Variants in TEX9 observed in about 807,000 individuals in gnomAD.
TEX9 encodes testis-expressed protein 9.
TEX9 carries 74 observed loss-of-function variants against 59.6 expected under a neutral mutation model. That is an observed-to-expected ratio of 1.24 (90% CI 1.03 to 1.51). TEX9 has a LOEUF of 1.51. TEX9 is among the 40% of genes most tolerant of loss of function. The probability of loss-of-function intolerance (pLI) is 0.00; values close to 1 mark genes in which losing one functional copy is unlikely to be tolerated. For missense variants in TEX9, 522 were observed against 447.8 expected, an observed-to-expected ratio of 1.17 and a Z score of -1.49; for synonymous variants, 186 against 152.2, an observed-to-expected ratio of 1.22 and a Z score of -1.64.
chr15:56,277,745 AAGG>A (rs1228478510), intron 1 of TEX9, among the ~76,000 whole-genome samples: 2 of 152,234 alleles, frequency 1.3e-5, no homozygotes, highest in Non-Finnish European at 2.9e-5. Context: ...TTACATGGCC[AAGG>A]CCAAAAAATT....
At chr15:56,440,582 C>A (rs1284657105) in intron 12 of TEX9, among the ~76,000 whole-genome samples, 4 of 151,900 alleles carry the variant, frequency 2.6e-5, no homozygotes, top group Non-Finnish European at 5.9e-5. Flanking sequence ...CTTTAATGGG[C>A]AAATGGTCAA....
intron 12 of TEX9, among the ~76,000 whole-genome samples, chr15:56,435,283 A>G (rs1257932932): frequency 1.3e-5 from 2 of 151,998 alleles, no homozygotes; most frequent in Admixed American, 6.6e-5. Flanking sequence ...AGAACTGTAA[A>G]GTAAACCCAA....
At chr15:56,423,468 T>C (rs2050084145) in intron 10 of TEX9, among the ~76,000 whole-genome samples, 1 of 152,240 alleles carries the variant, frequency 6.6e-6, no homozygotes. Context: ...ATGTGGGGAA[T>C]GTTCCATGTG....
At chr15:56,312,689 T>G (rs1406513824) in intron 1 of TEX9, among the ~76,000 whole-genome samples, 1 of 118,778 alleles carries the variant, frequency 8.4e-6, no homozygotes, top group African/African-American at 3.3e-5. Flanking sequence ...AAGAAAGTCA[T>G]TGGTAGCTTG....
chr15:56,267,765 G>T (rs775698128), intron 1 of TEX9, among the ~76,000 whole-genome samples: 2 of 152,152 alleles, frequency 1.3e-5, no homozygotes, highest in African/African-American at 2.4e-5. Flanking sequence ...GTAGCGTGAT[G>T]CCTCCAGCTT....
chr15:56,274,392 A>G (rs1382896259), intron 1 of TEX9: 2 of 152,150 alleles, frequency 1.3e-5, no homozygotes, highest in Admixed American at 6.6e-5. Flanking sequence ...CACTAGAACC[A>G]TATTAATTGT....
chr15:56,406,742 C>G (rs1388048036), intron 9 of TEX9, among the ~76,000 whole-genome samples: 1 of 152,040 alleles, frequency 6.6e-6, no homozygotes. Context: ...GTTCATATAT[C>G]TTCTTTTGCG....
intron 12 of TEX9, among the ~76,000 whole-genome samples, chr15:56,437,391 A>G (rs1192177972): frequency 1.3e-5 from 2 of 152,198 alleles, no homozygotes; most frequent in African/African-American, 4.8e-5. Context: ...TAGATGCAAA[A>G]AAGGCCCTTG....
chr15:56,386,937 G>C (rs1330617026), intron 4 of TEX9, among the ~76,000 whole-genome samples: 1 of 151,822 alleles, frequency 6.6e-6, no homozygotes, highest in Non-Finnish European at 1.5e-5. Flanking sequence ...TTTCAGGTTG[G>C]AACAATGATA....
chr15:56,365,978 G>A (rs1420678397), intron 2 of TEX9: 2 of 952,540 alleles, frequency 2.1e-6, no homozygotes, highest in Admixed American at 9.0e-5. Context: ...GAATTGCCAC[G>A]AATAGTTAGT....
chr15:56,417,220 T>G (rs1160405953), intron 10 of TEX9, among the ~76,000 whole-genome samples: 1 of 151,922 alleles, frequency 6.6e-6, no homozygotes, highest in African/African-American at 2.4e-5. Flanking sequence ...TGATTTTTGT[T>G]ATTTCTCATC....
intron 1 of TEX9, among the ~76,000 whole-genome samples, chr15:56,272,653 G>A (rs2044564310): frequency 6.6e-6 from 1 of 152,088 alleles, no homozygotes; most frequent in Admixed American, 6.6e-5. Context: ...GAGTCATGTG[G>A]TAACTCTATT....
chr15:56,339,199 A>G (rs1481335356), intron 1 of TEX9, among the ~76,000 whole-genome samples: 1 of 151,594 alleles, frequency 6.6e-6, no homozygotes, highest in Non-Finnish European at 1.5e-5. Context: ...CCTGGCCAAC[A>G]TGGTGAAACC....
At chr15:56,458,670 C>A in the TEX9 span, among the ~76,000 whole-genome samples, 1 of 152,148 alleles carries the variant, frequency 6.6e-6, no homozygotes, top group Non-Finnish European at 1.5e-5. Flanking sequence ...ATAGTTTTGC[C>A]TTTCCCAGAA....
intron 4 of TEX9, among the ~76,000 whole-genome samples, chr15:56,384,700 A>G (rs2047885074): frequency 6.6e-6 from 1 of 152,178 alleles, no homozygotes; most frequent in African/African-American, 2.4e-5. Flanking sequence ...CCAGCAAGGA[A>G]ACTGATATTG....
chr15:56,340,443 C>T (rs62047375), intron 1 of TEX9, among the ~76,000 whole-genome samples: 45,408 of 151,992 alleles, frequency 0.3, 7,697 homozygotes, highest in Middle Eastern at 0.48. Flanking sequence ...AAAAGGTATT[C>T]CCTTTTGAAG....
intron 3 of TEX9, among the ~76,000 whole-genome samples, chr15:56,382,623 C>T (rs1396747936): frequency 6.6e-6 from 1 of 152,136 alleles, no homozygotes; most frequent in Non-Finnish European, 1.5e-5. Flanking sequence ...GCAGCAGATT[C>T]CCTCTTGGCC....
intron 1 of TEX9, among the ~76,000 whole-genome samples, chr15:56,298,729 G>A (rs1458117241): frequency 6.6e-6 from 1 of 152,078 alleles, no homozygotes; most frequent in African/African-American, 2.4e-5. Context: ...CCACTCTAAT[G>A]AAACTGCTTT....
At chr15:56,333,932 A>G (rs2046209156) in intron 1 of TEX9, among the ~76,000 whole-genome samples, 1 of 152,160 alleles carries the variant, frequency 6.6e-6, no homozygotes, top group African/African-American at 2.4e-5. Context: ...CTACAAATAA[A>G]ATTAAATACC....
Sources: allele counts gnomAD v4.1 joint callset (sites outside exome capture counted in the v4.1 genomes callset), GRCh38; gene constraint gnomAD v4.1.1; transcripts MANE v1.5; gene names NCBI Gene and HGNC (gene_info 2026-07-23, HGNC 2026-07-21).